The following BCAR3 variants were observed in gnomAD, a reference collection of about 807,000 sequenced individuals.
The protein encoded by BCAR3 is breast cancer anti-estrogen resistance protein 3.
In BCAR3, 37 loss-of-function variants were observed where a neutral mutation model predicts 80.1. The observed-to-expected ratio is 0.46, with a 90% CI of 0.36 to 0.61. The LOEUF (loss-of-function observed/expected upper bound fraction) is 0.61, where lower values mean the gene tolerates loss of function less well. Among genes scored for constraint, BCAR3 ranks in the 20% least tolerant of loss-of-function variants. The probability of loss-of-function intolerance (pLI) is 0.00; values close to 1 mark genes in which losing one functional copy is unlikely to be tolerated. For missense variants in BCAR3, 978 were observed against 1,068.2 expected, an observed-to-expected ratio of 0.92 and a Z score of 1.18; for synonymous variants, 389 against 418.9, an observed-to-expected ratio of 0.93 and a Z score of 0.87.
chr1:93,827,310 T>C (rs571925547), intron 2 of BCAR3, among the ~76,000 whole-genome samples: 1 of 152,126 alleles, frequency 6.6e-6, no homozygotes, highest in South Asian at 2.1e-4. Flanking sequence ...GAGGCACATA[T>C]GGCATGATTT....
At chr1:93,797,715 A>G (rs1557691530) in intron 2 of BCAR3, among the ~76,000 whole-genome samples, 2 of 152,178 alleles carry the variant, frequency 1.3e-5, no homozygotes, top group African/African-American at 4.8e-5. Context: ...TATGTACAAT[A>G]AAAATATTGG....
intron 2 of BCAR3, among the ~76,000 whole-genome samples, chr1:93,775,855 A>T (rs1169402201): frequency 6.6e-6 from 1 of 152,226 alleles, no homozygotes; most frequent in Non-Finnish European, 1.5e-5. Context: ...AGAAACTTGA[A>T]GCAGTGAAGA....
chr1:93,738,326 T>C (rs115984764), intron 2 of BCAR3, among the ~76,000 whole-genome samples: 3 of 152,352 alleles, frequency 2.0e-5, no homozygotes, highest in African/African-American at 7.2e-5. Flanking sequence ...TTCATGCTCA[T>C]TTCCAAAAAG....
At chr1:93,712,985 C>A (rs550603084) in intron 2 of BCAR3, among the ~76,000 whole-genome samples, 2 of 152,208 alleles carry the variant, frequency 1.3e-5, no homozygotes, top group Non-Finnish European at 2.9e-5. Context: ...TCATCCTCAG[C>A]TTTCATCTTC....
intron 2 of BCAR3, among the ~76,000 whole-genome samples, chr1:93,774,357 A>C (rs1034418583): frequency 6.6e-6 from 1 of 151,762 alleles, no homozygotes; most frequent in South Asian, 2.1e-4. Context: ...GGTGGCGTGC[A>C]CCTGTAGTCC....
At chr1:93,728,522 C>T (rs895511468) in intron 2 of BCAR3, among the ~76,000 whole-genome samples, 7 of 152,186 alleles carry the variant, frequency 4.6e-5, no homozygotes, top group Admixed American at 3.3e-4. Context: ...AATTGGATCA[C>T]GCGTGGACTT....
At chr1:93,653,839 G>T (rs1348532654) in intron 2 of BCAR3, among the ~76,000 whole-genome samples, 3 of 152,220 alleles carry the variant, frequency 2.0e-5, no homozygotes, top group Admixed American at 2.0e-4. Flanking sequence ...AGAAGCATGT[G>T]CAAAGATATA....
intron 3 of BCAR3, among the ~76,000 whole-genome samples, chr1:93,608,595 T>TCCCA (rs1674852742): frequency 6.6e-6 from 1 of 152,070 alleles, no homozygotes; most frequent in Non-Finnish European, 1.5e-5. Context: ...TTTCCCAAGA[T>TCCCA]CCCAATCCCG....
intron 2 of BCAR3, among the ~76,000 whole-genome samples, chr1:93,656,691 C>T (rs899803628): frequency 1.3e-5 from 2 of 151,466 alleles, no homozygotes; most frequent in African/African-American, 2.4e-5. Context: ...GCAGTCTCGA[C>T]CTCCTGGGCT....
chr1:93,690,124 G>C (rs1649140227), intron 3 of BCAR3, among the ~76,000 whole-genome samples: 1 of 152,174 alleles, frequency 6.6e-6, no homozygotes, highest in South Asian at 2.1e-4. Flanking sequence ...TGAAACGTTA[G>C]GTGAAAAATA....
At chr1:93,657,197 C>T (rs1035666899) in intron 2 of BCAR3, among the ~76,000 whole-genome samples, 6 of 152,048 alleles carry the variant, frequency 3.9e-5, no homozygotes, top group Admixed American at 3.3e-4. Context: ...AAAATTATTG[C>T]CATTATTTTT....
intron 2 of BCAR3, among the ~76,000 whole-genome samples, chr1:93,662,458 C>CT (rs746140143): frequency 4.4e-4 from 66 of 151,592 alleles, no homozygotes; most frequent in East Asian, 9.7e-4. Context: ...ACCAAGATCT[C>CT]TTTTTTTTTA....
intron 2 of BCAR3, among the ~76,000 whole-genome samples, chr1:93,738,009 T>A (rs2100692371): frequency 6.6e-6 from 1 of 152,288 alleles, no homozygotes; most frequent in East Asian, 1.9e-4. Flanking sequence ...TTTTTATTTT[T>A]ATTTTTTAAA....
chr1:93,687,553 C>T (rs1482915247), intron 3 of BCAR3, among the ~76,000 whole-genome samples: 1 of 152,214 alleles, frequency 6.6e-6, no homozygotes, highest in East Asian at 1.9e-4. Flanking sequence ...ATGATCCACC[C>T]ACCCCAGCCT....
intron 7 of BCAR3, among the ~76,000 whole-genome samples, chr1:93,581,062 T>G (rs1280054272): frequency 6.6e-6 from 1 of 151,788 alleles, no homozygotes; most frequent in African/African-American, 2.4e-5. Context: ...CTCAGGAGGC[T>G]GAGGTGGGAG....
chr1:93,601,121 C>G (rs1212398304), intron 3 of BCAR3, among the ~76,000 whole-genome samples: 1 of 152,194 alleles, frequency 6.6e-6, no homozygotes, highest in Non-Finnish European at 1.5e-5. Flanking sequence ...GACTATAGGA[C>G]CTGATGCAGG....
intron 2 of BCAR3, among the ~76,000 whole-genome samples, chr1:93,706,962 G>A (rs933208215): frequency 4.6e-5 from 7 of 152,212 alleles, no homozygotes; most frequent in Admixed American, 2.6e-4. Context: ...GGATCACGAG[G>A]TCAGGAGTTC....
chr1:93,605,599 G>A (rs1211901648), intron 3 of BCAR3: 1 of 152,230 alleles, frequency 6.6e-6, no homozygotes, highest in Non-Finnish European at 1.5e-5. Flanking sequence ...AATGCTAGAA[G>A]ATCCAAGCCA....
At chr1:93,648,659 A>G (rs1443075127) in intron 2 of BCAR3, 3 of 152,170 alleles carry the variant, frequency 2.0e-5, no homozygotes, top group Non-Finnish European at 4.4e-5. Context: ...AAACCTTCCT[A>G]ATTCATAACA....
Sources: gnomAD v4.1 joint callset for allele counts (sites outside exome capture counted in the v4.1 genomes callset) on GRCh38, gnomAD v4.1.1 for gene constraint, MANE v1.5 for transcripts, NCBI Gene and HGNC (gene_info 2026-07-23, HGNC 2026-07-21) for gene names.